PDZD8: variants seen among roughly 807,000 people sequenced by gnomAD.
The protein encoded by PDZD8 is PDZ domain-containing protein 8.
PDZD8 carries 14 observed loss-of-function variants against 85.8 expected under a neutral mutation model. The ratio of observed to expected loss-of-function variants is 0.16; its 90% CI spans 0.11 to 0.26. The LOEUF (loss-of-function observed/expected upper bound fraction) is 0.26, where lower values mean the gene tolerates loss of function less well. Ranked by LOEUF, PDZD8 falls within the 10% of genes least tolerant of loss-of-function variation. PDZD8 has a pLI of 1.00. For missense variants in PDZD8, 1,197 were observed against 1,424.3 expected (o/e 0.84, Z 2.57); for synonymous variants, 592 against 568.6 (o/e 1.04, Z -0.59).
Position 117,290,212 on chromosome 10 carries a change from C to T in PDZD8, c.1235G>A (p.Arg412Gln), listed in dbSNP as rs755666725. 16 of 1,613,816 alleles carry T rather than the reference C, an allele frequency of 9.9e-6. No individual in the cohort carries two copies. Among genetic ancestry groups the T allele is most frequent in the Admixed American group, 1.7e-5 (1 of 59,966 alleles). Residue 412 changes from arginine to glutamine, a missense_variant, in exon 4 of 5, where the codon CGG (arginine) becomes CAG (glutamine). Arg to Gln is a conservative substitution (Grantham distance 43). This residue lies in a region of PDZD8 where 344 missense variants were observed against 453.6 expected (regional missense o/e 0.76). Coordinates refer to ENST00000334464, the MANE Select transcript of PDZD8 (RefSeq NM_173791.5). ...TCCAATGGCGATAAGTCGATCTCCC[C>T]GCTGAAGATCTGCAATTGCAGCAGG... ...NSPAAIADLQRGDRLIAIGGV... is the reference protein window; with the variant it reads ...NSPAAIADLQQGDRLIAIGGV...
At chr10:117,285,864 G>C (rs907513724) in intron 4 of PDZD8, 37 of 424,444 alleles carry the variant, frequency 8.7e-5, no homozygotes, top group Admixed American at 2.5e-4. Flanking sequence ...CAGACTTAGA[G>C]TGAGGGAAAG....
In PDZD8 at chr10:117,289,403, C is replaced by A. The variant is rs934813831; in HGVS notation, c.1261+783G>T. On this transcript the variant is annotated intron_variant, in intron 4 of 4. Transcript: ENST00000334464. ...AGCTGTGAAAGAAAATATCACATTG[C>A]CCTTTTCAGATCAACTGTGACCAAC... is the stretch of plus-strand genomic sequence containing the variant. Among the ~76,000 whole-genome samples, 5 of 152,132 alleles carry A rather than the reference C, an allele frequency of 3.3e-5. No homozygotes were observed. In the East Asian group the frequency reaches 9.6e-4, roughly 29 times the overall value.
chr10:117,348,734 C>T (rs1440330043), intron 1 of PDZD8, among the ~76,000 whole-genome samples: 1 of 152,136 alleles, frequency 6.6e-6, no homozygotes, highest in Non-Finnish European at 1.5e-5. Context: ...AAGCCCTATC[C>T]CAAACAGAGT....
intron 3 of PDZD8, among the ~76,000 whole-genome samples, chr10:117,318,614 T>G (rs1376783712): frequency 6.6e-6 from 1 of 152,202 alleles, no homozygotes; most frequent in Non-Finnish European, 1.5e-5. Flanking sequence ...TCTAATTTCA[T>G]AACTGAAGCA....
chr10:117,285,410 G>C lies in PDZD8; in HGVS notation c.1323C>G (p.Val441=). 1 of 1,613,320 alleles carries C rather than the reference G, an allele frequency of 6.2e-7. No individual in the cohort carries two copies. The highest frequency in any genetic ancestry group is 1.3e-5 in the African/African-American group (1 of 75,038). The change falls in exon 5 of 5, where the codon GTC becomes GTG. Residue 441 remains valine (V), a synonymous_variant. Coordinates refer to ENST00000334464, the MANE Select transcript of PDZD8 (RefSeq NM_173791.5). ...LKLIKQAGDR[V]LVYYERPVGQ... ...CAACAGGCCTTTCATAGTACACCAG[G>C]ACTCGGTCACCAGCCTGCTTGATAA...
In PDZD8 at chr10:117,375,163, T is replaced by C. The variant is rs750870965; in HGVS notation, c.65A>G (p.Gln22Arg). ...CTGTCTGCGGTACAGCAGGAAGAAC[T>C]GGGCGAGGAGCGTGAGGAAGGAACC... The part of the protein sequence containing the change: ...VLGSFLTLLA[Q>R]FFLLYRRQPE... Residue 22 changes from glutamine to arginine, a missense_variant, in exon 1 of 5, where the codon CAG becomes CGG. Around this residue, in one of 4 missense-constraint regions of PDZD8, gnomAD observed 172 missense variants for 137.8 expected, o/e 1.25. Coordinates refer to ENST00000334464, the MANE Select transcript of PDZD8 (RefSeq NM_173791.5). 2.8e-5 allele frequency: 45 copies of C among 1,585,750 alleles called. No individual in the cohort carries two copies. Among genetic ancestry groups the C allele is most frequent in the Non-Finnish European group, 3.8e-5 (44 of 1,172,670 alleles).
intron 1 of PDZD8, among the ~76,000 whole-genome samples, chr10:117,362,950 A>G (rs1845022985): frequency 6.6e-6 from 1 of 152,100 alleles, no homozygotes; most frequent in Non-Finnish European, 1.5e-5. Flanking sequence ...CTCGATTAAA[A>G]TCCAAAGAAT....
chr10:117,369,820 C>T (rs562715725), intron 1 of PDZD8, among the ~76,000 whole-genome samples: 2 of 152,302 alleles, frequency 1.3e-5, no homozygotes, highest in South Asian at 2.1e-4. Flanking sequence ...TTTTTCCTAA[C>T]AGAAGCCACA....
At position 117,285,476 on chromosome 10, in the gene PDZD8, T is replaced by G. The variant is rs1459645780; in HGVS notation, c.1262-5A>C. On this transcript the variant is annotated splice_polypyrimidine_tract_variant and splice_region_variant and intron_variant, in intron 4 of 4. Transcript: ENST00000334464. The stretch of plus-strand genomic sequence containing the variant: ...GTGTTGATGTGATTTTCACACCTGG[T>G]TTAAGATTTTAAAAGGGAAAACATG... 6 of 1,557,478 alleles carry G rather than the reference T, an allele frequency of 3.9e-6. No individual in the cohort carries two copies. Among genetic ancestry groups the G allele is most frequent in the Non-Finnish European group, 4.3e-6 (5 of 1,150,624 alleles).
chr10:117,349,395 CAT>C (rs1157959996), intron 1 of PDZD8, among the ~76,000 whole-genome samples: 1 of 152,176 alleles, frequency 6.6e-6, no homozygotes, highest in Non-Finnish European at 1.5e-5. Flanking sequence ...GAGAAGGAAA[CAT>C]AAATCTGCAT....
In PDZD8 at chr10:117,278,177, T is replaced by C. The variant is rs1844526705; in HGVS notation, c.*5091A>G. 6.6e-6 allele frequency: 1 copy of C among 152,226 alleles called. No homozygotes were observed. The highest frequency in any genetic ancestry group is 1.5e-5 in the Non-Finnish European group (1 of 68,034). 9.4% of individuals were successfully genotyped at this position (152,226 alleles called of 1,614,324 possible). On this transcript the variant is annotated 3_prime_UTR_variant, in exon 5 of 5. Transcript: ENST00000334464. ...AAGCTGAAAACAGCTGCTCTGACTT[T>C]AATATCTGACTATATCTTTGATCTG... is the stretch of plus-strand genomic sequence containing the variant.
At chr10:117,353,272 T>C (rs1844837132) in intron 1 of PDZD8, among the ~76,000 whole-genome samples, 1 of 152,174 alleles carries the variant, frequency 6.6e-6, no homozygotes, top group Admixed American at 6.5e-5. Context: ...GCAATTCTAT[T>C]AATACTGACT....
At chr10:117,335,461 A>G (rs1163281516) in intron 2 of PDZD8, among the ~76,000 whole-genome samples, 1 of 152,226 alleles carries the variant, frequency 6.6e-6, no homozygotes, top group African/African-American at 2.4e-5. Flanking sequence ...TAATTTCTTT[A>G]AAGGACAGAT....
intron 3 of PDZD8, among the ~76,000 whole-genome samples, chr10:117,309,151 T>C (rs1353036290): frequency 2.0e-5 from 3 of 152,146 alleles, no homozygotes; most frequent in African/African-American, 7.2e-5. Flanking sequence ...TCAGTTTTAG[T>C]TGAATCTCAG....
At chr10:117,335,612 AAGT>A (rs1844503035) in intron 2 of PDZD8, among the ~76,000 whole-genome samples, 1 of 152,202 alleles carries the variant, frequency 6.6e-6, no homozygotes, top group South Asian at 2.1e-4. Flanking sequence ...GGATGAAGAA[AAGT>A]AGGAGTGGGG....
chr10:117,364,478 C>T (rs567379684), intron 1 of PDZD8, among the ~76,000 whole-genome samples: 6 of 140,582 alleles, frequency 4.3e-5, no homozygotes, highest in Admixed American at 1.4e-4. Context: ...CAGACACACA[C>T]GCACACACAC....
intron 1 of PDZD8, among the ~76,000 whole-genome samples, chr10:117,349,784 C>A (rs953611839): frequency 6.6e-6 from 1 of 151,756 alleles, no homozygotes; most frequent in African/African-American, 2.4e-5. Context: ...GCCTGGGTGA[C>A]AGAGTAAGAC....
intron 3 of PDZD8, among the ~76,000 whole-genome samples, chr10:117,293,997 A>G (rs752989192): frequency 2.6e-5 from 4 of 152,176 alleles, no homozygotes; most frequent in Non-Finnish European, 5.9e-5. Flanking sequence ...AAATATTTCA[A>G]ATGAAATGAT....
intron 3 of PDZD8, among the ~76,000 whole-genome samples, chr10:117,298,605 T>C (rs1341616454): frequency 1.2e-4 from 18 of 152,122 alleles, no homozygotes; most frequent in Admixed American, 4.6e-4. Flanking sequence ...ACAGACAATA[T>C]ATATATCTGA....
Sources: gnomAD v4.1 joint callset for allele counts (sites outside exome capture counted in the v4.1 genomes callset) on GRCh38, gnomAD v4.1.1 for gene constraint, gnomAD v4.1.1 regional missense constraint, MANE v1.5 for transcripts, NCBI Gene and HGNC (gene_info 2026-07-23, HGNC 2026-07-21) for gene names.